Variants in ABLIM2 observed in about 807,000 individuals in gnomAD.
ABLIM2 encodes the protein actin binding LIM protein family member 2, also known as actin-binding LIM protein 2.
In ABLIM2, 53 loss-of-function variants were observed where a neutral mutation model predicts 97.7. That is an observed-to-expected ratio of 0.54 (90% CI 0.44 to 0.68). The LOEUF (loss-of-function observed/expected upper bound fraction) is 0.68. Ranked by LOEUF, ABLIM2 falls within the 30% of genes least tolerant of loss-of-function variation. The pLI is 0.00. For missense variants in ABLIM2, 835 were observed against 867.2 expected (o/e 0.96, Z 0.47); for synonymous variants, 361 against 345.8 (o/e 1.04, Z -0.49).
At chr4:8,047,748 A>G (rs1211934662) in intron 8 of ABLIM2, among the ~76,000 whole-genome samples, 1 of 152,250 alleles carries the variant, frequency 6.6e-6, no homozygotes, top group African/African-American at 2.4e-5. Flanking sequence ...CCCCGGCAAC[A>G]GCTCCCTGAA....
chr4:8,144,084 T>C (rs1436739786), intron 1 of ABLIM2, among the ~76,000 whole-genome samples: 1 of 152,162 alleles, frequency 6.6e-6, no homozygotes, highest in African/African-American at 2.4e-5. Flanking sequence ...GATGGTCCTC[T>C]TCCTCCCAAG....
In ABLIM2 at chr4:8,094,484, G is replaced by A. The variant is rs181221211; in HGVS notation, c.338+2615C>T. 4.8e-4 allele frequency among the ~76,000 whole-genome samples: 73 copies of A among 152,300 alleles called. 1 individual carries two copies. The South Asian group carries it at 7.1e-3, about 15-fold the overall frequency. ...GGGTCTGCATGAGAAGGTCGTGATC[G>A]ATCGAGCAAGCAGGGTATACGTGAC... On this transcript the variant is annotated intron_variant, in intron 3 of 20. Transcript: ENST00000447017.
Position 8,032,326 on chromosome 4 carries a change from G to A in ABLIM2, c.1048-2550C>T, listed in dbSNP as rs1019116170. On this transcript the variant is annotated intron_variant, in intron 10 of 20. Transcript: ENST00000447017. This position sits in a 1 kb window ranked among gnomAD's most constrained non-coding sequence, Gnocchi z 4.3. ...CGTGGAGGGGCAGGAGGCAGGAAGC[G>A]CTCCCAGGCTCAGCCAGGATCCTGA... 1.3e-5 allele frequency among the ~76,000 whole-genome samples: 2 copies of A among 152,146 alleles called. No homozygotes were observed. The highest frequency in any genetic ancestry group is 6.5e-5 in the Admixed American group (1 of 15,280).
At chr4:8,040,068 C>T (rs1336589531) in intron 9 of ABLIM2, among the ~76,000 whole-genome samples, 1 of 152,140 alleles carries the variant, frequency 6.6e-6, no homozygotes, top group African/African-American at 2.4e-5. Context: ...GGAGATGCAG[C>T]CACTTGGTGG....
Position 8,080,689 on chromosome 4 carries a change from C to T in ABLIM2, c.568G>A (p.Glu190Lys), listed in dbSNP as rs199739696. 2.6e-5 allele frequency: 42 copies of T among 1,607,628 alleles called. No individual in the cohort carries two copies. The highest frequency in any genetic ancestry group is 9.0e-5 in the East Asian group (4 of 44,692). Residue 190 changes from glutamate to lysine, a missense_variant, in exon 5 of 21, where the codon GAG becomes AAG. By Grantham distance (56) the Glu-to-Lys change is moderately conservative. Transcript: ENST00000447017. ...CCCCCCACTTACTTGCTGATGTACT[C>T]GGCATTCAGGAGCTTCCCACAGCTC... ...CKSCGKLLNA[E>K]YISKDGLPYC... is the part of the protein sequence containing the mutation.
At chr4:8,105,965 A>T (rs115774749) in intron 2 of ABLIM2, among the ~76,000 whole-genome samples, 16,089 of 151,820 alleles carry the variant, frequency 0.11, 1,009 homozygotes, top group African/African-American at 0.17. Flanking sequence ...TTTTTTCTCA[A>T]CTTTTCAGGA....
chr4:8,038,749 C>T (rs1006380961), intron 9 of ABLIM2, among the ~76,000 whole-genome samples: 2 of 152,150 alleles, frequency 1.3e-5, no homozygotes, highest in Admixed American at 1.3e-4. Context: ...TCAAAAGACC[C>T]GAGATCCAAT....
At chr4:7,984,335 G>A (rs1459897834) in intron 18 of ABLIM2, among the ~76,000 whole-genome samples, 5 of 152,194 alleles carry the variant, frequency 3.3e-5, no homozygotes, top group African/African-American at 9.6e-5. Context: ...AGGCTCCCCC[G>A]CCACTCGCGG....
intron 20 of ABLIM2, among the ~76,000 whole-genome samples, chr4:7,982,730 G>T (rs1426899673): frequency 6.6e-6 from 1 of 151,902 alleles, no homozygotes; most frequent in Non-Finnish European, 1.5e-5. Context: ...ATTTGAGATG[G>T]AGTCTCTCTG....
intron 7 of ABLIM2, among the ~76,000 whole-genome samples, chr4:8,056,075 T>G (rs1798860264): frequency 8.0e-6 from 1 of 124,672 alleles, no homozygotes; most frequent in Non-Finnish European, 1.6e-5. Flanking sequence ...ATTGCACCAT[T>G]GCATTCCAGC....
intron 20 of ABLIM2, among the ~76,000 whole-genome samples, chr4:7,979,741 A>G (rs1736522070): frequency 6.6e-6 from 1 of 152,200 alleles, no homozygotes; most frequent in Admixed American, 6.5e-5. Flanking sequence ...TACGCCACCC[A>G]GCTCAGGTGA....
Position 8,068,507 on chromosome 4 carries a change from T to C in ABLIM2, c.676-7453A>G, listed in dbSNP as rs1809568126. 6.6e-6 allele frequency among the ~76,000 whole-genome samples: 1 copy of C among 152,214 alleles called. No individual in the cohort carries two copies. The highest frequency in any genetic ancestry group is 1.5e-5 in the Non-Finnish European group (1 of 68,030). ...CTGTCCCGCCTCCAGAAACCCCTCC[T>C]GTCCCAGCAGAGGAGAGCTAGTGGT... On this transcript the variant is annotated intron_variant, in intron 6 of 20. Coordinates refer to ENST00000447017, the MANE Select transcript of ABLIM2 (RefSeq NM_001130083.2). This position sits in a 1 kb window ranked among gnomAD's most constrained non-coding sequence, Gnocchi z 4.5.
chr4:7,967,046 C>G lies in ABLIM2; in HGVS notation c.1882G>C (p.Asp628His). The G allele has an allele frequency of 6.2e-7, 1 of 1,613,924 alleles. No homozygotes were observed. Among genetic ancestry groups the G allele is most frequent in the Non-Finnish European group, 8.5e-7 (1 of 1,179,972 alleles). ...EVFGMSIEEFDRLALWKRNDL... is the reference protein window; with the variant it reads ...EVFGMSIEEFHRLALWKRNDL... Reference sequence around the variant, plus strand: ...TTCCTCTTCCAGAGGGCCAGGCGGTCAAACTCCTCGATGCTCATCCCAAAC... The same window carrying G: ...TTCCTCTTCCAGAGGGCCAGGCGGTGAAACTCCTCGATGCTCATCCCAAAC... Residue 628 changes from aspartate (D) to histidine (H), a missense_variant, in exon 21 of 21, where the codon GAC becomes CAC. Physicochemically the swap from Asp to His is moderately conservative, Grantham distance 81. Transcript: ENST00000447017.
chr4:8,050,803 A>G (rs1225450874), intron 8 of ABLIM2, among the ~76,000 whole-genome samples: 1 of 152,214 alleles, frequency 6.6e-6, no homozygotes, highest in Non-Finnish European at 1.5e-5. Flanking sequence ...GAGCCACGCC[A>G]GTCCCTGGAC....
chr4:8,138,844 A>C (rs915599748), intron 1 of ABLIM2, among the ~76,000 whole-genome samples: 1 of 152,210 alleles, frequency 6.6e-6, no homozygotes, highest in Non-Finnish European at 1.5e-5. Flanking sequence ...ATTGCAACAG[A>C]AGCAGAAATT....
At chr4:7,985,019 C>G in intron 17 of ABLIM2, 126 bp from the exon 18 acceptor site, 2 of 934,492 alleles carry the variant, frequency 2.1e-6, no homozygotes, top group Non-Finnish European at 3.3e-6. Flanking sequence ...GTAGGGTGTC[C>G]TTAGCACAGC....
At chr4:8,025,431 G>A (rs1776682389) in intron 12 of ABLIM2, among the ~76,000 whole-genome samples, 1 of 152,142 alleles carries the variant, frequency 6.6e-6, no homozygotes, top group African/African-American at 2.4e-5. Flanking sequence ...TGGTGGGTAG[G>A]TGGGTAGCCT....
intron 16 of ABLIM2, among the ~76,000 whole-genome samples, chr4:7,997,157 C>T (rs1465265184): frequency 3.9e-5 from 6 of 152,130 alleles, no homozygotes; most frequent in East Asian, 1.9e-4. Context: ...CTGCAACCTC[C>T]GTCTCCCAGG....
chr4:8,109,154 A>G (rs1269737050), intron 1 of ABLIM2, among the ~76,000 whole-genome samples: 1 of 152,158 alleles, frequency 6.6e-6, no homozygotes, highest in Non-Finnish European at 1.5e-5. Context: ...CCAAGGCGGA[A>G]CTCCCAGCCC....
Sources: gnomAD v4.1 joint callset for allele counts (sites outside exome capture counted in the v4.1 genomes callset) on GRCh38, gnomAD v4.1.1 for gene constraint, Gnocchi (gnomAD v3.1) non-coding constraint, MANE v1.5 for transcripts, NCBI Gene and HGNC (gene_info 2026-07-23, HGNC 2026-07-21) for gene names.